Variants in SARS2 observed in about 807,000 individuals in gnomAD.
SARS2 encodes serine--tRNA ligase, mitochondrial.
Under a neutral mutation model 66.8 loss-of-function variants are expected in SARS2, and 52 were observed. The observed-to-expected ratio is 0.78, with a 90% CI of 0.62 to 0.98. The LOEUF (loss-of-function observed/expected upper bound fraction) is 0.98, where lower values mean the gene tolerates loss of function less well. Ranked by LOEUF, SARS2 falls within the 50% of genes least tolerant of loss-of-function variation. The pLI is 0.00. For synonymous variants in SARS2, 306 were observed against 281.4 expected (o/e 1.09, Z -0.87); for missense variants, 673 against 706.3 (o/e 0.95, Z 0.53).
intron 2 of SARS2, 47 bp from the exon 3 acceptor site, chr19:38,922,314 G>C: frequency 6.3e-7 from 1 of 1,598,766 alleles, no homozygotes; most frequent in Non-Finnish European, 8.6e-7. Context: ...CAAAGTCGAG[G>C]GTGGGGAAGA....
intron 5 of SARS2, among the ~76,000 whole-genome samples, chr19:38,920,444 G>A (rs1200678072): frequency 6.6e-6 from 1 of 151,784 alleles, no homozygotes; most frequent in East Asian, 1.9e-4. Flanking sequence ...GGCCAGAGGA[G>A]AAGGAAACAC....
intron 1 of SARS2, among the ~76,000 whole-genome samples, chr19:38,928,859 G>A (rs1370614253): frequency 6.6e-6 from 1 of 152,114 alleles, no homozygotes; most frequent in Admixed American, 6.5e-5. Flanking sequence ...CTATGAATTT[G>A]ATTACTCTAG....
chr19:38,921,685 G>A lies in SARS2; in HGVS notation c.394-18C>T. The A allele has an allele frequency of 1.9e-6, 3 of 1,613,820 alleles. No homozygotes were observed. The highest frequency in any genetic ancestry group is 1.3e-5 in the African/African-American group (1 of 75,054). ...TTGGGGTCCTGGGGGCAGCACAGGTGGGCTCAGCCCGGGAGAGGGTCAGGA... is the reference window on the plus strand; with the variant it reads ...TTGGGGTCCTGGGGGCAGCACAGGTAGGCTCAGCCCGGGAGAGGGTCAGGA... On this transcript the variant is annotated intron_variant, in intron 3 of 15. Coordinates refer to ENST00000221431, the MANE Select transcript of SARS2 (RefSeq NM_017827.4).
chr19:38,928,749 G>A (rs1600173921), intron 1 of SARS2, among the ~76,000 whole-genome samples: 1 of 152,144 alleles, frequency 6.6e-6, no homozygotes, highest in Admixed American at 6.6e-5. Context: ...TCAATCCACA[G>A]ATCTTTGTTT....
chr19:38,921,128 ACACACACT>A (rs1244334502), intron 5 of SARS2, among the ~76,000 whole-genome samples: 5 of 152,114 alleles, frequency 3.3e-5, no homozygotes, highest in African/African-American at 7.2e-5. Flanking sequence ...TACATACACG[ACACACACT>A]CACACACATA....
intron 6 of SARS2, 23 bp from the exon 7 acceptor site, chr19:38,919,890 G>A (rs768394629): frequency 1.3e-6 from 2 of 1,593,580 alleles, no homozygotes; most frequent in Non-Finnish European, 1.7e-6. Flanking sequence ...CAGACAGGCG[G>A]GTGCACATGG....
rs1421034714 is a variant in SARS2 at position 38,915,856 on chromosome 19, C to A, written c.1398G>T (p.Glu466Asp). 2 of 1,613,902 alleles carry A rather than the reference C, an allele frequency of 1.2e-6. No homozygotes were observed. The highest frequency in any genetic ancestry group is 2.2e-5 in the South Asian group (2 of 91,084). Residue 466 changes from glutamate to aspartate, a missense_variant, in exon 15 of 16, where the codon GAG (glutamate) becomes GAT (aspartate). By Grantham distance (45) the Glu-to-Asp change is conservative (BLOSUM62 2). Coordinates refer to ENST00000221431, the MANE Select transcript of SARS2 (RefSeq NM_017827.4). ...AVPRLLIALLESNQQKDGSVL... is the reference protein window; with the variant it reads ...AVPRLLIALLDSNQQKDGSVL... ...AGCCCCTCACCTTCTGCTGGTTACTCTCCAGGAGCGCGATGAGAAGGCGGG... is the reference window on the plus strand; with the variant it reads ...AGCCCCTCACCTTCTGCTGGTTACTATCCAGGAGCGCGATGAGAAGGCGGG...
chr19:38,930,758 C>T lies in SARS2; in HGVS notation c.-22G>A, dbSNP rs769804575. The T allele has an allele frequency of 1.2e-6, 2 of 1,609,714 alleles. No individual in the cohort carries two copies. The highest frequency in any genetic ancestry group is 1.7e-6 in the Non-Finnish European group (2 of 1,179,914). On this transcript the variant is annotated 5_prime_UTR_variant, in exon 1 of 16. Transcript: ENST00000221431. ...CCATCTTGGACCGGGAACAAGGCGG[C>T]ACTTCGTCCCGCCCACTCCGCGTTT...
chr19:38,924,627 G>A (rs545546051), intron 2 of SARS2, among the ~76,000 whole-genome samples: 1 of 152,258 alleles, frequency 6.6e-6, no homozygotes, highest in African/African-American at 2.4e-5. Context: ...TCCTGGCTGT[G>A]AGACTTACGT....
chr19:38,921,536 G>GT lies in SARS2; in HGVS notation c.524dup (p.His175GlnfsTer9). The GT allele has an allele frequency of 6.2e-7, 1 of 1,614,180 alleles. No individual in the cohort carries two copies. The highest frequency in any genetic ancestry group is 8.5e-7 in the Non-Finnish European group (1 of 1,180,008). ...CCAGCACGGTGCTCACCACGTCTGGGTGGGTCTGGTTGGGCAGCTTCAGCG... is the reference window on the plus strand; with the variant it reads ...CCAGCACGGTGCTCACCACGTCTGGGTTGGGTCTGGTTGGGCAGCTTCAGCG... On this transcript the variant is annotated frameshift_variant, in exon 4 of 16. Coordinates refer to ENST00000221431, the MANE Select transcript of SARS2 (RefSeq NM_017827.4). LOFTEE classifies it high-confidence loss of function.
chr19:38,915,883 G>A lies in SARS2; in HGVS notation c.1371C>T (p.Val457=). ...AHTVNATACA[V]PRLLIALLES... ...CCAGGAGCGCGATGAGAAGGCGGGG[G>A]ACAGCACAGGCGGTGGCGTTCACCT... The change falls in exon 15 of 16, where the codon GTC becomes GTT. Residue 457 remains valine (V), a synonymous_variant. Transcript: ENST00000221431. The A allele has an allele frequency of 2.5e-6, 4 of 1,613,874 alleles. No individual in the cohort carries two copies. In the South Asian group the frequency reaches 4.4e-5, roughly 18 times the overall value.
intron 12 of SARS2, 26 bp from the exon 13 acceptor site, chr19:38,916,340 G>A: frequency 6.3e-7 from 1 of 1,598,720 alleles, no homozygotes; most frequent in Non-Finnish European, 8.6e-7. Flanking sequence ...AAGGTGTGGG[G>A]AAGGTCAGCG....
intron 12 of SARS2, 108 bp downstream of exon 12, chr19:38,917,616 A>T: frequency 1.3e-6 from 1 of 775,518 alleles, no homozygotes; most frequent in East Asian, 2.8e-5. Context: ...AAATGGGGGC[A>T]ACGAGGGGGC....
At chr19:38,930,321 A>T in intron 1 of SARS2, 149 bp downstream of exon 1, 1 of 1,014,772 alleles carries the variant, frequency 9.9e-7, no homozygotes, top group Non-Finnish European at 1.4e-6. Context: ...ACTGGCACAT[A>T]AGTGGGTGCC....
rs752816058 is a variant in SARS2 at position 38,918,440 on chromosome 19, C to T, written c.898G>A (p.Ala300Thr). 1 of 1,614,170 alleles carries T rather than the reference C, an allele frequency of 6.2e-7. No individual in the cohort carries two copies. The highest frequency in any genetic ancestry group is 8.5e-7 in the Non-Finnish European group (1 of 1,179,974). ...RFKDLNLAGT[A>T]EVGLAGYFMD... is the part of the protein sequence containing the mutation. The stretch of plus-strand genomic sequence containing the variant: ...TCCTCACCTGCAAGCCCCACCTCCG[C>T]TGTTCCAGCCAGGTTGAGATCTTTG... Residue 300 changes from alanine to threonine, a missense_variant, in exon 9 of 16, where the codon GCG (alanine) becomes ACG (threonine). Transcript: ENST00000221431.
In SARS2 at chr19:38,921,404, C is replaced by T. The variant is rs141084630; in HGVS notation, c.577G>A (p.Gly193Arg). Residue 193 changes from glycine (G) to arginine (R), a missense_variant, in exon 5 of 16, where the codon GGA (glycine) becomes AGA (arginine). Physicochemically the swap from Gly to Arg is moderately radical, Grantham distance 125. Transcript: ENST00000221431. ...ESQARVLHMVGDKPVFSFQPR... is the reference protein window; with the variant it reads ...ESQARVLHMVRDKPVFSFQPR... The stretch of plus-strand genomic sequence containing the variant: ...GGGTGTGGCCCACCTGGCTTGTCTC[C>T]GACCATGTGGAGCACTCGAGCCTGG... The T allele has an allele frequency of 7.4e-6, 12 of 1,613,454 alleles. No homozygotes were observed. Among genetic ancestry groups the T allele is most frequent in the East Asian group, 6.7e-5 (3 of 44,888 alleles).
chr19:38,924,231 G>A (rs1386862416), intron 2 of SARS2, among the ~76,000 whole-genome samples: 1 of 152,156 alleles, frequency 6.6e-6, no homozygotes, highest in African/African-American at 2.4e-5. Flanking sequence ...TTGAGGGCCT[G>A]CAACCAAGGC....
At chr19:38,921,845 A>G in intron 3 of SARS2, 178 bp from the exon 4 acceptor site, 1 of 1,325,436 alleles carries the variant, frequency 7.5e-7, no homozygotes, top group South Asian at 1.3e-5. Flanking sequence ...TTTGTGGGGA[A>G]AAGAATCAGG....
intron 5 of SARS2, among the ~76,000 whole-genome samples, chr19:38,920,587 A>G (rs897669983): frequency 2.0e-5 from 3 of 152,026 alleles, no homozygotes; most frequent in Non-Finnish European, 4.4e-5. Flanking sequence ...ATACATACAC[A>G]CACAGAGATA....
Sources: allele counts gnomAD v4.1 joint callset (sites outside exome capture counted in the v4.1 genomes callset), GRCh38; gene constraint gnomAD v4.1.1; transcripts MANE v1.5; gene names NCBI Gene and HGNC (gene_info 2026-07-23, HGNC 2026-07-21).